AQP9: variants seen among roughly 807,000 people sequenced by gnomAD.
AQP9 encodes the protein aquaporin-9.
In AQP9, 19 loss-of-function variants were observed where a neutral mutation model predicts 23.8. That is an observed-to-expected ratio of 0.80 (90% CI 0.56 to 1.17). AQP9 has a LOEUF of 1.17. Among genes scored for constraint, AQP9 ranks in the 50% most tolerant of loss-of-function variants. The pLI, the probability that AQP9 is intolerant of heterozygous loss-of-function variation, is 0.00. For missense variants in AQP9, 413 were observed against 362.0 expected (o/e 1.14, Z -1.14); for synonymous variants, 153 against 131.5 (o/e 1.16, Z -1.12).
chr15:58,169,759 T>C (rs1275431869), intron 2 of AQP9, among the ~76,000 whole-genome samples: 1 of 152,198 alleles, frequency 6.6e-6, no homozygotes, highest in African/African-American at 2.4e-5. Context: ...ATCCAGTCAG[T>C]CAGAGGTCAT....
chr15:58,168,052 C>A (rs1898545705), intron 2 of AQP9, among the ~76,000 whole-genome samples: 1 of 151,856 alleles, frequency 6.6e-6, no homozygotes, highest in Non-Finnish European at 1.5e-5. Flanking sequence ...GACAGAGTCT[C>A]ACTCTGTTGC....
At chr15:58,179,994 C>T (rs533186331) in intron 5 of AQP9, among the ~76,000 whole-genome samples, 27 of 152,230 alleles carry the variant, frequency 1.8e-4, no homozygotes, top group East Asian at 7.7e-4. Flanking sequence ...TAAGAACTTC[C>T]GGACAGGACA....
Position 58,166,725 on chromosome 15 carries a change from G to A in AQP9, c.164G>A (p.Gly55Glu). Residue 55 changes from glycine (G) to glutamate (E), a missense_variant, in exon 2 of 6, where the codon GGA becomes GAA. By Grantham distance (98) the Gly-to-Glu change is moderately conservative (BLOSUM62 -2). Coordinates refer to ENST00000219919, the MANE Select transcript of AQP9 (RefSeq NM_020980.5). ...AQAILSRGRF[G>E]GVITINVGFS... is the part of the protein sequence containing the mutation. ...GCTATTCTCAGTCGAGGACGTTTTGGAGGGGTCATCACTATCAATGTTGGA... is the reference window on the plus strand; with the variant it reads ...GCTATTCTCAGTCGAGGACGTTTTGAAGGGGTCATCACTATCAATGTTGGA... 6.2e-7 allele frequency: 1 copy of A among 1,613,954 alleles called. No homozygotes were observed. The highest frequency in any genetic ancestry group is 8.5e-7 in the Non-Finnish European group (1 of 1,179,870).
At chr15:58,155,634 C>T (rs1464220782) in intron 1 of AQP9, 1 of 152,112 alleles carries the variant, frequency 6.6e-6, no homozygotes, top group Non-Finnish European at 1.5e-5. Flanking sequence ...GCTTACTACA[C>T]AATCAAAGAT....
Position 58,175,161 on chromosome 15 carries a change from G to T in AQP9, c.495+125G>T. On this transcript the variant is annotated intron_variant, in intron 4 of 5. Coordinates refer to ENST00000219919, the MANE Select transcript of AQP9 (RefSeq NM_020980.5). The stretch of plus-strand genomic sequence containing the variant: ...ATATTTCCAAAGGCAGAGGTTGCTG[G>T]GCATAACCCAAGCTTTCTTGATAAT... The T allele has an allele frequency of 3.2e-6, 3 of 938,782 alleles. No homozygotes were observed. The South Asian group carries it at 4.8e-5, about 15-fold the overall frequency. 58.2% of individuals were successfully genotyped at this position (938,782 alleles called of 1,614,324 possible).
intron 1 of AQP9, chr15:58,155,420 C>T (rs1395974939): frequency 6.6e-6 from 1 of 152,158 alleles, no homozygotes; most frequent in Non-Finnish European, 1.5e-5. Flanking sequence ...ATCAGCCATT[C>T]CGTATATTGG....
intron 5 of AQP9, among the ~76,000 whole-genome samples, chr15:58,183,379 G>A (rs1898936065): frequency 2.6e-5 from 4 of 152,340 alleles, no homozygotes; most frequent in African/African-American, 9.6e-5. Context: ...ATTTCTGGAA[G>A]AGAGAGAGCC....
Position 58,166,710 on chromosome 15 carries a change from G to T in AQP9, c.149G>T (p.Ser50Ile), listed in dbSNP as rs758705317. ...GGCTGTGTTGCCCAAGCTATTCTCAGTCGAGGACGTTTTGGAGGGGTCATC... is the reference window on the plus strand; with the variant it reads ...GGCTGTGTTGCCCAAGCTATTCTCATTCGAGGACGTTTTGGAGGGGTCATC... ...GCGCVAQAIL[S>I]RGRFGGVITI... The change falls in exon 2 of 6, where the codon AGT (serine) becomes ATT (isoleucine). Residue 50 changes from serine (S) to isoleucine (I), a missense_variant. Transcript: ENST00000219919. 319 of 1,613,148 alleles carry T rather than the reference G, an allele frequency of 2.0e-4. No homozygotes were observed. The highest frequency in any genetic ancestry group is 2.6e-4 in the Non-Finnish European group (309 of 1,179,570).
intron 1 of AQP9, among the ~76,000 whole-genome samples, chr15:58,140,055 T>A (rs1475624222): frequency 6.6e-6 from 1 of 152,222 alleles, no homozygotes; most frequent in Non-Finnish European, 1.5e-5. Context: ...GTCATGTTAC[T>A]TGACAATCTG....
chr15:58,144,992 C>T lies in AQP9; in HGVS notation c.111+6316C>T, dbSNP rs116774114. ...TTGCGCCACTGCACTCTGGCCTGGG[C>T]GATGAAGTGAGACTCCATCTCAAAA... On this transcript the variant is annotated intron_variant, in intron 1 of 5. Transcript: ENST00000219919. Among the ~76,000 whole-genome samples, 569 of 122,400 alleles carry T rather than the reference C, an allele frequency of 4.6e-3. 5 individuals carry two copies. Among genetic ancestry groups the T allele is most frequent in the African/African-American group, 0.016 (506 of 31,292 alleles). 80.3% of individuals were successfully genotyped at this position (122,400 alleles called of 152,430 possible).
At chr15:58,160,712 G>A (rs559035559) in intron 1 of AQP9, among the ~76,000 whole-genome samples, 2 of 152,078 alleles carry the variant, frequency 1.3e-5, no homozygotes, top group Admixed American at 6.6e-5. Context: ...CAAGGTTGCA[G>A]GTATATAATA....
intron 1 of AQP9, among the ~76,000 whole-genome samples, chr15:58,141,589 C>T (rs1463905027): frequency 1.3e-5 from 2 of 152,062 alleles, no homozygotes; most frequent in Non-Finnish European, 2.9e-5. Context: ...GGGGAGTGGG[C>T]AGTACAGGAA....
intron 1 of AQP9, among the ~76,000 whole-genome samples, chr15:58,139,177 G>T (rs1239977147): frequency 6.6e-6 from 1 of 152,152 alleles, no homozygotes; most frequent in Non-Finnish European, 1.5e-5. Flanking sequence ...TGATTTTTAA[G>T]AAATTAAAAA....
chr15:58,185,181 A>G lies in AQP9; in HGVS notation c.*1046A>G, dbSNP rs1270588075. 6.6e-6 allele frequency: 1 copy of G among 152,460 alleles called. No individual in the cohort carries two copies. Among genetic ancestry groups the G allele is most frequent in the African/African-American group, 2.4e-5 (1 of 41,456 alleles). The allele number at this position is 152,460 out of a possible 1,614,324, so 9.4% of individuals were successfully genotyped here. ...AATGACTATGTGAGGCAAATGCCAC[A>G]TTGCCCATTTTTCAGATAAAGAAAC... On this transcript the variant is annotated 3_prime_UTR_variant, in exon 6 of 6. Coordinates refer to ENST00000219919, the MANE Select transcript of AQP9 (RefSeq NM_020980.5).
At chr15:58,157,571 C>T (rs1334783510) in intron 1 of AQP9, among the ~76,000 whole-genome samples, 1 of 152,108 alleles carries the variant, frequency 6.6e-6, no homozygotes, top group Non-Finnish European at 1.5e-5. Context: ...TGGAAAAGGC[C>T]CCTTCTAGGC....
chr15:58,185,369 C>T lies in AQP9; in HGVS notation c.*1234C>T, dbSNP rs527292550. 1.3e-5 allele frequency: 2 copies of T among 152,654 alleles called. No individual in the cohort carries two copies. Among genetic ancestry groups the T allele is most frequent in the Non-Finnish European group, 2.9e-5 (2 of 68,056 alleles). 9.5% of individuals were successfully genotyped at this position (152,654 alleles called of 1,614,324 possible). On this transcript the variant is annotated 3_prime_UTR_variant, in exon 6 of 6. Transcript: ENST00000219919. The stretch of plus-strand genomic sequence containing the variant: ...GAATTGGCAGCTTCTAGAATATGTA[C>T]ACCTCTGGACAAAATGTTCCTCAAT...
chr15:58,164,957 T>C (rs923433813), intron 1 of AQP9, among the ~76,000 whole-genome samples: 3 of 152,194 alleles, frequency 2.0e-5, no homozygotes, highest in Non-Finnish European at 4.4e-5. Context: ...GACTCAATAG[T>C]AGGTTATTAT....
chr15:58,182,720 G>A (rs867531664), intron 5 of AQP9, among the ~76,000 whole-genome samples: 3 of 152,150 alleles, frequency 2.0e-5, no homozygotes, highest in Non-Finnish European at 4.4e-5. Context: ...CCTCGCTGCC[G>A]TGTGGTAAGA....
At position 58,184,199 on chromosome 15, in the gene AQP9, T is replaced by A. The variant is rs1898962068; in HGVS notation, c.*64T>A. On this transcript the variant is annotated 3_prime_UTR_variant, in exon 6 of 6. Transcript: ENST00000219919. ...TCTCTTCAGAAAGATGGCATCTAAG[T>A]GTCTGTGTTCTTGTAAGCCTGAGGT... The A allele has an allele frequency of 1.3e-6, 2 of 1,545,220 alleles. No homozygotes were observed. Among genetic ancestry groups the A allele is most frequent in the African/African-American group, 1.4e-5 (1 of 73,492 alleles).
Sources: allele counts gnomAD v4.1 joint callset (sites outside exome capture counted in the v4.1 genomes callset), GRCh38; gene constraint gnomAD v4.1.1; transcripts MANE v1.5; gene names NCBI Gene and HGNC (gene_info 2026-07-23, HGNC 2026-07-21).